MAP4K3: variants seen among roughly 807,000 people sequenced by gnomAD.
MAP4K3 encodes the protein mitogen-activated protein kinase kinase kinase kinase 3.
Under a neutral mutation model 143.5 loss-of-function variants are expected in MAP4K3, and 94 were observed. That is an observed-to-expected ratio of 0.65 (90% CI 0.55 to 0.78). MAP4K3 has a LOEUF of 0.78. Ranked by LOEUF, MAP4K3 falls within the 30% of genes least tolerant of loss-of-function variation. The pLI is 0.00. For missense variants in MAP4K3, 1,077 were observed against 1,068.1 expected, an observed-to-expected ratio of 1.01 and a Z score of -0.12; for synonymous variants, 416 against 347.2, an observed-to-expected ratio of 1.20 and a Z score of -2.20.
At chr2:39,307,299 C>T (rs1682744935) in intron 15 of MAP4K3, among the ~76,000 whole-genome samples, 2 of 152,010 alleles carry the variant, frequency 1.3e-5, no homozygotes, top group South Asian at 2.1e-4. Flanking sequence ...CATTTAATAG[C>T]ATCAATTTCT....
intron 4 of MAP4K3, among the ~76,000 whole-genome samples, chr2:39,338,123 T>C (rs1321993963): frequency 6.6e-6 from 1 of 152,130 alleles, no homozygotes; most frequent in Non-Finnish European, 1.5e-5. Context: ...TGCAGAACAG[T>C]GCCTGGCACA....
At chr2:39,404,119 T>A (rs1572493878) in intron 1 of MAP4K3, among the ~76,000 whole-genome samples, 1 of 152,002 alleles carries the variant, frequency 6.6e-6, no homozygotes, top group Admixed American at 6.5e-5. Context: ...AACTCTGACA[T>A]GTGCTGGCTT....
intron 16 of MAP4K3, among the ~76,000 whole-genome samples, chr2:39,294,897 C>A (rs930221922): frequency 6.6e-6 from 1 of 151,976 alleles, no homozygotes; most frequent in Non-Finnish European, 1.5e-5. Context: ...ATATGTAATA[C>A]CTTTGTTGCT....
Position 39,326,176 on chromosome 2 carries a change from T to C in MAP4K3, c.632A>G (p.Gln211Arg), listed in dbSNP as rs1306067334. 6.2e-7 allele frequency: 1 copy of C among 1,613,924 alleles called. No homozygotes were observed. The highest frequency in any genetic ancestry group is 8.5e-7 in the Non-Finnish European group (1 of 1,179,910). The change falls in exon 9 of 34, where the codon CAG (glutamine) becomes CGG (arginine). Residue 211 changes from glutamine (Q) to arginine (R), a missense_variant. Gln to Arg is a conservative substitution (Grantham distance 43, BLOSUM62 1). Transcript: ENST00000263881. ...GITAIELAEL[Q>R]PPMFDLHPMR... ...TGGGTGTAAGTCAAACATAGGAGGC[T>C]GAAGCTCTGCAAGTTCTATGGCAGT...
At chr2:39,404,326 C>T (rs986054715) in intron 1 of MAP4K3, among the ~76,000 whole-genome samples, 11 of 152,016 alleles carry the variant, frequency 7.2e-5, no homozygotes, top group African/African-American at 2.4e-4. Flanking sequence ...TCTGGACCTG[C>T]ACTGGGGCAG....
intron 21 of MAP4K3, 107 bp from the exon 22 acceptor site, chr2:39,282,661 T>A (rs1210957900): frequency 6.6e-6 from 5 of 759,566 alleles, no homozygotes; most frequent in Admixed American, 4.9e-5. Flanking sequence ...ATACATTCTT[T>A]GTAAAACAAA....
chr2:39,342,294 A>T (rs1002881481), intron 4 of MAP4K3, among the ~76,000 whole-genome samples: 9 of 152,008 alleles, frequency 5.9e-5, no homozygotes, highest in African/African-American at 2.2e-4. Context: ...ACCCACCATC[A>T]TGCCCAGCTA....
intron 1 of MAP4K3, among the ~76,000 whole-genome samples, chr2:39,419,167 A>G (rs1207646140): frequency 6.6e-6 from 1 of 152,198 alleles, no homozygotes; most frequent in African/African-American, 2.4e-5. Flanking sequence ...TAAGTTTAAC[A>G]AAAAGGTATT....
At chr2:39,360,096 C>CA (rs1478398896) in intron 2 of MAP4K3, among the ~76,000 whole-genome samples, 1 of 152,206 alleles carries the variant, frequency 6.6e-6, no homozygotes, top group African/African-American at 2.4e-5. Context: ...GCAAATTTTC[C>CA]AAACTTTTAT....
intron 1 of MAP4K3, among the ~76,000 whole-genome samples, chr2:39,408,272 CT>C (rs1252801765): frequency 6.6e-6 from 1 of 152,150 alleles, no homozygotes; most frequent in East Asian, 1.9e-4. Flanking sequence ...GACAATGCCC[CT>C]GGCCACCCAG....
At chr2:39,398,031 G>A (rs1666855097) in intron 1 of MAP4K3, among the ~76,000 whole-genome samples, 1 of 151,956 alleles carries the variant, frequency 6.6e-6, no homozygotes, top group Non-Finnish European at 1.5e-5. Context: ...CTCATATATT[G>A]CTGCTGAAAT....
intron 1 of MAP4K3, among the ~76,000 whole-genome samples, chr2:39,415,090 C>T (rs558494672): frequency 2.0e-5 from 3 of 152,236 alleles, no homozygotes; most frequent in East Asian, 3.9e-4. Context: ...GTTTGGTTCA[C>T]AACCAGATTT....
intron 1 of MAP4K3, among the ~76,000 whole-genome samples, chr2:39,408,441 C>G: frequency 6.6e-6 from 1 of 152,010 alleles, no homozygotes; most frequent in East Asian, 1.9e-4. Context: ...GAAGAGAACA[C>G]CAACAGAGAG....
At chr2:39,298,175 C>A (rs1162555791) in intron 16 of MAP4K3, among the ~76,000 whole-genome samples, 1 of 151,972 alleles carries the variant, frequency 6.6e-6, no homozygotes, top group East Asian at 1.9e-4. Flanking sequence ...AAAAACACTT[C>A]AAAAATTTTT....
rs1681061907 is a variant in MAP4K3, at chr2:39,272,351, A to G, written c.1905T>C (p.Tyr635=). The G allele has an allele frequency of 1.2e-6, 2 of 1,613,848 alleles. No homozygotes were observed. Among genetic ancestry groups the G allele is most frequent in the Middle Eastern group, 1.7e-4 (1 of 6,054 alleles). Residue 635 remains tyrosine (Y), a synonymous_variant, in exon 26 of 34, where the codon TAT becomes TAC. Transcript: ENST00000263881. ...YSHNLPGLFD[Y]ARQMQKLPVA... ...CAGGTAACTTTTGCATTTGTCTTGC[A>G]TAATCAAAAAGCCCTGGTAAATTAT...
intron 1 of MAP4K3, among the ~76,000 whole-genome samples, chr2:39,429,610 G>C (rs544243181): frequency 1.6e-4 from 25 of 152,286 alleles, no homozygotes; most frequent in Non-Finnish European, 3.1e-4. Context: ...TTGGGTACAT[G>C]AGACCTCTTT....
chr2:39,350,185 C>A (rs898163959), intron 3 of MAP4K3, among the ~76,000 whole-genome samples: 2 of 152,184 alleles, frequency 1.3e-5, no homozygotes, highest in Non-Finnish European at 2.9e-5. Context: ...GAAACCCTGG[C>A]TTAAACAAAT....
At chr2:39,292,438 T>C (rs972029810) in intron 18 of MAP4K3, among the ~76,000 whole-genome samples, 1 of 152,176 alleles carries the variant, frequency 6.6e-6, no homozygotes, top group African/African-American at 2.4e-5. Context: ...TCCCACCATG[T>C]GCATACACTG....
chr2:39,335,179 T>C lies in MAP4K3; in HGVS notation c.415-1605A>G, dbSNP rs528726920. Among the ~76,000 whole-genome samples, 85 of 152,278 alleles carry C rather than the reference T, an allele frequency of 5.6e-4. 1 individual carries two copies. Among genetic ancestry groups the C allele is most frequent in the African/African-American group, 1.9e-3 (81 of 41,560 alleles). On this transcript the variant is annotated intron_variant, in intron 6 of 33. Coordinates refer to ENST00000263881, the MANE Select transcript of MAP4K3 (RefSeq NM_003618.4). ...CCACGTATAACCTTGCAGGTCATGG[T>C]AAAGGCATCTGGACTTTATACTGAG... is the stretch of plus-strand genomic sequence containing the variant.
Sources: allele counts gnomAD v4.1 joint callset (sites outside exome capture counted in the v4.1 genomes callset), GRCh38; gene constraint gnomAD v4.1.1; transcripts MANE v1.5; gene names NCBI Gene and HGNC (gene_info 2026-07-23, HGNC 2026-07-21).